DNMT3B: variants seen among roughly 807,000 people sequenced by gnomAD.
DNMT3B encodes DNA methyltransferase 3 beta.
A neutral mutation model predicts 120.2 loss-of-function variants in DNMT3B; 37 were observed. The ratio of observed to expected loss-of-function variants is 0.31; its 90% confidence interval spans 0.24 to 0.40. The LOEUF is 0.40. DNMT3B is among the 10% of genes least tolerant of loss of function. The pLI is 1.00. For synonymous variants in DNMT3B, 412 were observed against 442.8 expected, an observed-to-expected ratio of 0.93 and a Z score of 0.87; for missense variants, 878 against 1,137.3, an observed-to-expected ratio of 0.77 and a Z score of 3.28.
Position 32,786,617 on chromosome 20 carries a change from C to G in DNMT3B, c.422C>G (p.Pro141Arg), listed in dbSNP as rs766619776. Residue 141 changes from proline to arginine, a missense_variant, in exon 5 of 23, where the codon CCG (proline) becomes CGG (arginine). Around this residue, in one of 4 missense-constraint regions of DNMT3B, gnomAD observed 287 missense variants for 306.2 expected, o/e 0.94. Transcript: ENST00000328111. ...NHVDESPVEF[P>R]ATRSLRRRAT... ...GTGGACGAGTCCCCCGTGGAGTTCC[C>G]GGCTACCAGGGTTGGTTCCCCAGAT... 4.3e-6 allele frequency: 7 copies of G among 1,613,860 alleles called. No homozygotes were observed. Among genetic ancestry groups the G allele is most frequent in the Non-Finnish European group, 5.9e-6 (7 of 1,180,044 alleles).
chr20:32,778,219 C>G (rs931827389), intron 1 of DNMT3B, among the ~76,000 whole-genome samples: 1 of 152,138 alleles, frequency 6.6e-6, no homozygotes, highest in African/African-American at 2.4e-5. Context: ...GCCTGTAATC[C>G]CAGCTACTCA....
intron 20 of DNMT3B, among the ~76,000 whole-genome samples, chr20:32,804,472 G>A (rs900387144): frequency 4.6e-5 from 7 of 152,120 alleles, no homozygotes; most frequent in African/African-American, 1.2e-4. Context: ...TTGTAGGCAC[G>A]GTTCCCGTTC....
At position 32,808,887 on chromosome 20, in the gene DNMT3B, GAGGCAGTGACAGC is replaced by G. The variant is rs1982236043; in HGVS notation, c.*987_*999del. The G allele has an allele frequency of 5.8e-5, 13 of 224,120 alleles. 1 individual carries two copies. In the East Asian group the frequency reaches 7.8e-4, roughly 13 times the overall value. The allele number at this position is 224,120 out of a possible 1,614,324, so 13.9% of individuals were successfully genotyped here. On this transcript the variant is annotated 3_prime_UTR_variant, in exon 23 of 23. Transcript: ENST00000328111. ...ATTTCTCATCTTTTTACTAAACTCA[GAGGCAGTGACAGC>G]AGTCAGGGACAGACATACATTTCTC...
At position 32,799,324 on chromosome 20, in the gene DNMT3B, G is replaced by A. The variant is rs370222907; in HGVS notation, c.1755G>A (p.Ala585=). 5.5e-5 allele frequency: 88 copies of A among 1,612,382 alleles called. No homozygotes were observed. The highest frequency in any genetic ancestry group is 8.9e-5 in the East Asian group (4 of 44,864). Reference sequence around the variant, plus strand: ...TCCTGTCATTGTTTGATGGCATCGCGACAGGTGAGTTCGGGGAACACCTGG... The same window carrying A: ...TCCTGTCATTGTTTGATGGCATCGCAACAGGTGAGTTCGGGGAACACCTGG... ...IRVLSLFDGI[A]TGYLVLKELG... is the part of the protein sequence containing the mutation. The change falls in exon 16 of 23, where the codon GCG becomes GCA. Residue 585 remains alanine (A), a synonymous_variant. Transcript: ENST00000328111.
chr20:32,791,873 CA>C (rs1384541869), intron 8 of DNMT3B, among the ~76,000 whole-genome samples, 165 bp downstream of exon 8: 2 of 152,144 alleles, frequency 1.3e-5, no homozygotes, highest in East Asian at 3.9e-4. Context: ...TTGGGCCTCC[CA>C]ACAAAGGGAT....
chr20:32,801,017 CT>C lies in DNMT3B; in HGVS notation c.1996+93del. ...CAGCCTGAGAAGGAGCCACTTGCTT[CT>C]GGCCAAGTTACTGGCAGCATCAGGG... On this transcript the variant is annotated intron_variant, in intron 18 of 22. Transcript: ENST00000328111. 3 of 1,488,374 alleles carry C rather than the reference CT, an allele frequency of 2.0e-6. No individual in the cohort carries two copies. The East Asian group carries it at 6.8e-5, about 34-fold the overall frequency. The allele number at this position is 1,488,374 out of a possible 1,614,324, so 92.2% of individuals were successfully genotyped here.
chr20:32,784,804 C>A lies in DNMT3B; in HGVS notation c.251C>A (p.Thr84Asn), dbSNP rs138276579. 19 of 1,613,998 alleles carry A rather than the reference C, an allele frequency of 1.2e-5. No homozygotes were observed. The highest frequency in any genetic ancestry group is 3.3e-5 in the South Asian group (3 of 91,086). ...GGGGAAGATGGGGATGGCTCTGACA[C>A]CCCAGTCATGCCAAAGCTCTTCCGG... is the stretch of plus-strand genomic sequence containing the variant. ...GDGEDGDGSDTPVMPKLFRET... is the reference protein window; with the variant it reads ...GDGEDGDGSDNPVMPKLFRET... The change falls in exon 4 of 23, where the codon ACC (threonine) becomes AAC (asparagine). Residue 84 changes from threonine to asparagine, a missense_variant. Around this residue, in one of 4 missense-constraint regions of DNMT3B, gnomAD observed 287 missense variants for 306.2 expected, o/e 0.94. Coordinates refer to ENST00000328111, the MANE Select transcript of DNMT3B (RefSeq NM_006892.4).
intron 20 of DNMT3B, among the ~76,000 whole-genome samples, chr20:32,803,162 A>G (rs911027538): frequency 2.0e-5 from 3 of 152,236 alleles, no homozygotes; most frequent in Non-Finnish European, 4.4e-5. Flanking sequence ...TATACTAAAA[A>G]CAGTCTTCTT....
intron 1 of DNMT3B, among the ~76,000 whole-genome samples, chr20:32,771,195 C>T (rs939827448): frequency 2.6e-5 from 4 of 152,168 alleles, no homozygotes; most frequent in African/African-American, 9.7e-5. Context: ...ACTAAAAATG[C>T]TGTGCCTTTA....
rs758755934 is a variant in DNMT3B at position 32,802,433 on chromosome 20, G to A, written c.2194G>A (p.Ala732Thr). 6.2e-7 allele frequency: 1 copy of A among 1,614,156 alleles called. No homozygotes were observed. The change falls in exon 20 of 23, where the codon GCC becomes ACC. Residue 732 changes from alanine (A) to threonine (T), a missense_variant. Physicochemically the swap from Ala to Thr is moderately conservative, Grantham distance 58. This residue lies in a region of DNMT3B where 334 missense variants were observed against 518.8 expected (regional missense o/e 0.64). Coordinates refer to ENST00000328111, the MANE Select transcript of DNMT3B (RefSeq NM_006892.4). ...DAIKVSAAHRARYFWGNLPGM... is the reference protein window; with the variant it reads ...DAIKVSAAHRTRYFWGNLPGM... The stretch of plus-strand genomic sequence containing the variant: ...CATCAAAGTTTCTGCTGCTCACAGG[G>A]CCCGATACTTCTGGGGCAACCTACC...
chr20:32,797,584 C>T (rs1003709493), intron 14 of DNMT3B, among the ~76,000 whole-genome samples: 1 of 152,190 alleles, frequency 6.6e-6, no homozygotes, highest in African/African-American at 2.4e-5. Flanking sequence ...GCCTCCAATT[C>T]CTGTGCTCAA....
intron 17 of DNMT3B, 126 bp from the exon 18 acceptor site, chr20:32,800,709 C>T: frequency 9.5e-7 from 1 of 1,055,586 alleles, no homozygotes. Flanking sequence ...TCCACCCCCG[C>T]CGTCAGCCTT....
chr20:32,796,739 C>G (rs1166333059), intron 12 of DNMT3B, 51 bp from the exon 13 acceptor site: 1 of 1,596,944 alleles, frequency 6.3e-7, no homozygotes, highest in East Asian at 2.2e-5. Context: ...GCTTTAGCAG[C>G]TGGTGTCAGG....
intron 8 of DNMT3B, 91 bp downstream of exon 8, chr20:32,791,799 G>A: frequency 7.1e-7 from 1 of 1,408,872 alleles, no homozygotes; most frequent in Non-Finnish European, 9.9e-7. Flanking sequence ...TGCCAAGGGT[G>A]GTTTGGAGGG....
At chr20:32,769,277 C>T (rs951201449) in intron 1 of DNMT3B, among the ~76,000 whole-genome samples, 3 of 152,034 alleles carry the variant, frequency 2.0e-5, no homozygotes, top group Admixed American at 1.3e-4. Flanking sequence ...TTAGTAGAGA[C>T]GGGGTTTCAC....
At chr20:32,795,320 A>G (rs1248055031) in intron 10 of DNMT3B, 89 bp from the exon 11 acceptor site, 6 of 1,597,480 alleles carry the variant, frequency 3.8e-6, no homozygotes, top group Non-Finnish European at 5.1e-6. Context: ...TGCAGCTGGT[A>G]CCCAGGCATA....
chr20:32,763,409 C>T (rs1987097330), intron 1 of DNMT3B, among the ~76,000 whole-genome samples: 1 of 152,308 alleles, frequency 6.6e-6, no homozygotes, highest in Non-Finnish European at 1.5e-5. Context: ...ACACCTGGCC[C>T]GGGAGGAGCC....
chr20:32,791,556 G>A (rs765500804), intron 7 of DNMT3B, 45 bp from the exon 8 acceptor site: 4 of 1,593,034 alleles, frequency 2.5e-6, no homozygotes, highest in Non-Finnish European at 3.4e-6. Flanking sequence ...CATGGCACCT[G>A]GGACACACCT....
At chr20:32,801,774 A>G (rs1294819720) in intron 19 of DNMT3B, among the ~76,000 whole-genome samples, 1 of 152,072 alleles carries the variant, frequency 6.6e-6, no homozygotes, top group Non-Finnish European at 1.5e-5. Context: ...TGGTAGAGAC[A>G]GGGTCTTGGT....
Sources: gnomAD v4.1 joint callset for allele counts (sites outside exome capture counted in the v4.1 genomes callset) on GRCh38, gnomAD v4.1.1 for gene constraint, gnomAD v4.1.1 regional missense constraint, MANE v1.5 for transcripts, NCBI Gene and HGNC (gene_info 2026-07-23, HGNC 2026-07-21) for gene names.